The following RNGTT variants were observed in gnomAD, a reference collection of about 807,000 sequenced individuals.
RNGTT encodes the protein mRNA-capping enzyme.
RNGTT carries 33 observed loss-of-function variants against 79.3 expected under a neutral mutation model. The ratio of observed to expected loss-of-function variants is 0.42; its 90% CI spans 0.32 to 0.56. RNGTT has a LOEUF of 0.56. Ranked by LOEUF, RNGTT falls within the 20% of genes least tolerant of loss-of-function variation. The probability of loss-of-function intolerance (pLI) is 0.17; values close to 1 mark genes in which losing one functional copy is unlikely to be tolerated. For synonymous variants in RNGTT, 222 were observed against 235.9 expected, an observed-to-expected ratio of 0.94 and a Z score of 0.54; for missense variants, 497 against 739.1, an observed-to-expected ratio of 0.67 and a Z score of 3.80.
At chr6:88,787,608 C>G (rs550051348) in intron 12 of RNGTT, among the ~76,000 whole-genome samples, 6 of 151,548 alleles carry the variant, frequency 4.0e-5, no homozygotes, top group African/African-American at 1.5e-4. Context: ...GCAGTGAGCC[C>G]AGATCGCGTC....
At position 88,652,178 on chromosome 6, in the gene RNGTT, A is replaced by C. The variant is rs564917521; in HGVS notation, c.1506+26175T>G. Among the ~76,000 whole-genome samples, 21 of 152,284 alleles carry C rather than the reference A, an allele frequency of 1.4e-4. No homozygotes were observed. The East Asian group carries it at 4.0e-3, about 29-fold the overall frequency. The stretch of plus-strand genomic sequence containing the variant: ...TTGTGACACTGTAAAAATAATTTAA[A>C]TATACAGTTAAATATTTAACATATT... On this transcript the variant is annotated intron_variant, in intron 14 of 15. Coordinates refer to ENST00000369485, the MANE Select transcript of RNGTT (RefSeq NM_003800.5).
chr6:88,719,282 G>T (rs1776626610), intron 13 of RNGTT, among the ~76,000 whole-genome samples: 1 of 152,146 alleles, frequency 6.6e-6, no homozygotes, highest in African/African-American at 2.4e-5. Context: ...AAACTTTTCT[G>T]ACTGCCTCGA....
At chr6:88,683,613 G>A (rs556161620) in intron 13 of RNGTT, among the ~76,000 whole-genome samples, 1 of 152,016 alleles carries the variant, frequency 6.6e-6, no homozygotes, top group East Asian at 1.9e-4. Flanking sequence ...TGGATTCAGA[G>A]AATAAGAAAA....
At chr6:88,640,616 A>G (rs1773278304) in intron 14 of RNGTT, among the ~76,000 whole-genome samples, 1 of 151,996 alleles carries the variant, frequency 6.6e-6, no homozygotes, top group Admixed American at 6.6e-5. Context: ...TGATGTTGAA[A>G]TTGTCAATTT....
chr6:88,730,924 AAAAC>A (rs994511354), intron 13 of RNGTT, among the ~76,000 whole-genome samples: 1 of 152,326 alleles, frequency 6.6e-6, no homozygotes, highest in South Asian at 2.1e-4. Context: ...CTAAGAGGCC[AAAAC>A]AAACAAACAA....
intron 13 of RNGTT, among the ~76,000 whole-genome samples, chr6:88,753,288 T>C (rs1322680419): frequency 6.6e-6 from 1 of 151,976 alleles, no homozygotes; most frequent in African/African-American, 2.4e-5. Flanking sequence ...GAGGACTGCT[T>C]GAGCCTAGGA....
At chr6:88,924,951 C>T (rs1209758959) in intron 4 of RNGTT, among the ~76,000 whole-genome samples, 1 of 152,046 alleles carries the variant, frequency 6.6e-6, no homozygotes, top group Non-Finnish European at 1.5e-5. Context: ...AAACCCCTGG[C>T]TTCAAGTGAT....
chr6:88,890,050 T>C (rs565150857), intron 8 of RNGTT, among the ~76,000 whole-genome samples: 6 of 152,320 alleles, frequency 3.9e-5, no homozygotes, highest in African/African-American at 9.6e-5. Flanking sequence ...TGCAACAACC[T>C]TGCGAGTATA....
At chr6:88,818,645 C>T (rs773714659) in intron 11 of RNGTT, among the ~76,000 whole-genome samples, 2 of 152,124 alleles carry the variant, frequency 1.3e-5, no homozygotes, top group African/African-American at 4.8e-5. Context: ...GATGAATGCA[C>T]AGTTACTGAT....
At chr6:88,773,070 C>A (rs1582443359) in intron 12 of RNGTT, among the ~76,000 whole-genome samples, 1 of 143,168 alleles carries the variant, frequency 7.0e-6, no homozygotes, top group South Asian at 2.4e-4. Flanking sequence ...GGAACCAACC[C>A]AAATGTCCAA....
intron 8 of RNGTT, among the ~76,000 whole-genome samples, chr6:88,864,343 C>T (rs1782102483): frequency 6.6e-6 from 1 of 152,078 alleles, no homozygotes; most frequent in African/African-American, 2.4e-5. Context: ...ATGCAACAAA[C>T]ACTAATAAAT....
intron 8 of RNGTT, among the ~76,000 whole-genome samples, chr6:88,864,057 T>C (rs1420932900): frequency 6.6e-6 from 1 of 152,168 alleles, no homozygotes; most frequent in African/African-American, 2.4e-5. Flanking sequence ...TGTCTGTTTC[T>C]AAGCCCATGT....
At chr6:88,684,424 C>T (rs538670295) in intron 13 of RNGTT, among the ~76,000 whole-genome samples, 1 of 152,136 alleles carries the variant, frequency 6.6e-6, no homozygotes, top group South Asian at 2.1e-4. Context: ...ATACAAAAAA[C>T]CTGCACATGG....
At chr6:88,829,442 C>T (rs1431268792) in intron 11 of RNGTT, among the ~76,000 whole-genome samples, 8 of 152,018 alleles carry the variant, frequency 5.3e-5, no homozygotes, top group Non-Finnish European at 7.4e-5. Context: ...TAAAGACCAT[C>T]GACACTATGA....
At chr6:88,833,044 A>G (rs979890273) in intron 11 of RNGTT, among the ~76,000 whole-genome samples, 8 of 152,206 alleles carry the variant, frequency 5.3e-5, no homozygotes, top group African/African-American at 1.9e-4. Context: ...GGAACCATAA[A>G]TACCATTTGA....
At chr6:88,839,950 T>C (rs557653526) in intron 11 of RNGTT, among the ~76,000 whole-genome samples, 1 of 152,224 alleles carries the variant, frequency 6.6e-6, no homozygotes, top group African/African-American at 2.4e-5. Context: ...CAAAGAGTTA[T>C]AGAGCAATAT....
chr6:88,829,578 G>A (rs1217891311), intron 11 of RNGTT, among the ~76,000 whole-genome samples: 1 of 151,884 alleles, frequency 6.6e-6, no homozygotes, highest in Non-Finnish European at 1.5e-5. Context: ...GACACAGACT[G>A]GCAAATTGGA....
intron 13 of RNGTT, among the ~76,000 whole-genome samples, chr6:88,768,730 A>C (rs9351181): frequency 0.13 from 19,581 of 152,154 alleles, 1,437 homozygotes; most frequent in Middle Eastern, 0.23. Flanking sequence ...TTTTGTTGTA[A>C]TGTATTTACT....
Position 88,844,402 on chromosome 6 carries a change from A to G in RNGTT, c.1224T>C (p.Phe408=). ...CAAAAAACGGCTTATTTCTGACGCTAAATGGTTCCTGTGTTTTGTCAATGA... is the reference window on the plus strand; with the variant it reads ...CAAAAAACGGCTTATTTCTGACGCTGAATGGTTCCTGTGTTTTGTCAATGA... ...TGLIDKTQEP[F]SVRNKPFFDI... The change falls in exon 11 of 16, where the codon TTT becomes TTC. Residue 408 remains phenylalanine (F), a synonymous_variant. Transcript: ENST00000369485. 1 of 1,613,952 alleles carries G rather than the reference A, an allele frequency of 6.2e-7. No homozygotes were observed. Among genetic ancestry groups the G allele is most frequent in the Middle Eastern group, 1.7e-4 (1 of 6,060 alleles).
Sources: allele counts gnomAD v4.1 joint callset (sites outside exome capture counted in the v4.1 genomes callset), GRCh38; gene constraint gnomAD v4.1.1; transcripts MANE v1.5; gene names NCBI Gene and HGNC (gene_info 2026-07-23, HGNC 2026-07-21).